ANK2: variants seen among roughly 807,000 people sequenced by gnomAD.
The protein encoded by ANK2 is ankyrin-2.
Under a neutral mutation model 360.5 loss-of-function variants are expected in ANK2, and 83 were observed. The observed-to-expected ratio is 0.23, with a 90% CI of 0.19 to 0.28. ANK2 has a LOEUF of 0.28. ANK2 is among the 10% of genes least tolerant of loss of function. The pLI is 1.00. For synonymous variants in ANK2, 1,740 were observed against 1,759.5 expected, an observed-to-expected ratio of 0.99 and a Z score of 0.28; for missense variants, 4,201 against 4,795.7, an observed-to-expected ratio of 0.88 and a Z score of 3.66.
chr4:112,747,110 CT>C, the ANK2 span, among the ~76,000 whole-genome samples: 1 of 152,158 alleles, frequency 6.6e-6, no homozygotes, highest in African/African-American at 2.4e-5. Flanking sequence ...TGAGGAATTC[CT>C]AACAGCATAA....
At chr4:112,770,355 T>C in the ANK2 span, among the ~76,000 whole-genome samples, 1 of 152,152 alleles carries the variant, frequency 6.6e-6, no homozygotes, top group African/African-American at 2.4e-5. Context: ...CTTCCCTTCA[T>C]TGTTTTGTTT....
chr4:113,029,596 C>T (rs2059978050), intron 2 of ANK2, among the ~76,000 whole-genome samples: 1 of 152,120 alleles, frequency 6.6e-6, no homozygotes, highest in Middle Eastern at 3.4e-3. Context: ...GAAAATGAAC[C>T]TTGAGGCCTC....
At chr4:112,867,122 CA>C (rs761796362) in intron 1 of ANK2, among the ~76,000 whole-genome samples, 91 of 151,822 alleles carry the variant, frequency 6.0e-4, no homozygotes, top group Non-Finnish European at 8.3e-4. Context: ...TGAGGTCTTA[CA>C]TTTTTTTTTC....
At chr4:113,303,647 AT>A (rs1456380060) in intron 23 of ANK2, among the ~76,000 whole-genome samples, 3 of 152,202 alleles carry the variant, frequency 2.0e-5, no homozygotes, top group African/African-American at 7.2e-5. Flanking sequence ...GGATAAAAAA[AT>A]GTGCTACTAA....
rs373261456 is a variant in ANK2 at position 113,330,314 on chromosome 4, G to A, written c.2969G>A (p.Arg990Gln). The part of the protein sequence containing the change: ...AMRGCRHNGL[R>Q]IIIPPRKCTA... ...CGAGGATGCAGACACAATGGGCTCCGAATCATTATTCCACCTCGGAAATGT... is the reference window on the plus strand; with the variant it reads ...CGAGGATGCAGACACAATGGGCTCCAAATCATTATTCCACCTCGGAAATGT... Residue 990 changes from arginine (R) to glutamine (Q), a missense_variant, in exon 27 of 46, where the codon CGA (arginine) becomes CAA (glutamine). Arg to Gln is a conservative substitution (Grantham distance 43, BLOSUM62 1). Around this residue, in one of 4 missense-constraint regions of ANK2, gnomAD observed 1,268 missense variants for 1,650.8 expected, o/e 0.77. Transcript: ENST00000357077. The A allele has an allele frequency of 4.8e-5, 78 of 1,614,068 alleles. No individual in the cohort carries two copies. Among genetic ancestry groups the A allele is most frequent in the Non-Finnish European group, 6.1e-5 (72 of 1,180,044 alleles).
chr4:113,231,715 T>A (rs1341676820), intron 4 of ANK2, among the ~76,000 whole-genome samples: 1 of 151,954 alleles, frequency 6.6e-6, no homozygotes, highest in Non-Finnish European at 1.5e-5. Context: ...GTGATTTTCC[T>A]GCCTCAGCCT....
chr4:112,952,755 GATACTTTT>G (rs1368722218), intron 2 of ANK2, among the ~76,000 whole-genome samples: 1 of 152,082 alleles, frequency 6.6e-6, no homozygotes, highest in East Asian at 1.9e-4. Flanking sequence ...ATCTCTTAGA[GATACTTTT>G]ATAAAATAAT....
chr4:113,040,908 TC>T (rs2062787038), intron 2 of ANK2, among the ~76,000 whole-genome samples: 1 of 152,060 alleles, frequency 6.6e-6, no homozygotes, highest in South Asian at 2.1e-4. Flanking sequence ...TGAGAGCCCT[TC>T]CCCATGTGAG....
At chr4:113,246,125 TTTG>T (rs899748756) in intron 9 of ANK2, among the ~76,000 whole-genome samples, 10 of 152,178 alleles carry the variant, frequency 6.6e-5, no homozygotes, top group East Asian at 3.9e-4. Flanking sequence ...ATGTTTTCAT[TTTG>T]TTGTTGTTGT....
rs892057800 is a variant in ANK2 at position 113,277,890 on chromosome 4, A to C, written c.1737A>C (p.Ala579=). ...VAAKYGSLDV[A]KLLLQRRAAA... Reference sequence around the variant, plus strand: ...CCAAGTATGGAAGCCTGGATGTGGCAAAACTTCTCTTGCAACGCCGTGCTG... The same window carrying C: ...CCAAGTATGGAAGCCTGGATGTGGCCAAACTTCTCTTGCAACGCCGTGCTG... Residue 579 remains alanine, a synonymous_variant, in exon 16 of 46, where the codon GCA becomes GCC. Coordinates refer to ENST00000357077, the MANE Select transcript of ANK2 (RefSeq NM_001148.6). The C allele has an allele frequency of 1.1e-5, 17 of 1,614,006 alleles. No homozygotes were observed. The Admixed American group carries it at 1.5e-4, about 14-fold the overall frequency.
chr4:113,133,772 A>T (rs2096221894), intron 1 of ANK2, among the ~76,000 whole-genome samples: 1 of 152,144 alleles, frequency 6.6e-6, no homozygotes, highest in South Asian at 2.1e-4. Flanking sequence ...TGAGGTAGAA[A>T]TGATTATAAC....
rs187496618 is a variant in ANK2, at chr4:112,939,287, T to C, written c.21+34773T>C. ...ACAAATTTTAAAAAGTATCAGGGAA[T>C]AGTTCATTCTTTCTTTCTTTATTTT... On this transcript the variant is annotated intron_variant, in intron 2 of 30. Coordinates refer to the ANK2 transcript ENST00000503271. Among the ~76,000 whole-genome samples the C allele has an allele frequency of 1.7e-3, 266 of 152,290 alleles. 1 individual carries two copies. The highest frequency in any genetic ancestry group is 5.1e-3 in the Admixed American group (78 of 15,272).
At chr4:113,097,876 G>GTATA (rs1562040937) in intron 1 of ANK2, among the ~76,000 whole-genome samples, 1 of 105,926 alleles carries the variant, frequency 9.4e-6, no homozygotes, top group African/African-American at 3.0e-5. Flanking sequence ...GTATATATAT[G>GTATA]CACACACACA....
chr4:112,993,254 G>C (rs893413169), intron 2 of ANK2, among the ~76,000 whole-genome samples: 1 of 152,040 alleles, frequency 6.6e-6, no homozygotes. Context: ...TGCACTCCAG[G>C]CTGGGTGACA....
At chr4:112,781,076 C>T in the ANK2 span, among the ~76,000 whole-genome samples, 343 of 152,030 alleles carry the variant, frequency 2.3e-3, 1 homozygote, top group African/African-American at 7.5e-3. Flanking sequence ...CACAGCTCAC[C>T]GCAGCCTCCA....
intron 1 of ANK2, among the ~76,000 whole-genome samples, chr4:113,054,859 TACTC>T (rs1455183477): frequency 6.6e-6 from 1 of 152,202 alleles, no homozygotes; most frequent in African/African-American, 2.4e-5. Flanking sequence ...TGTTTCTATT[TACTC>T]ACTTTTATGA....
intron 4 of ANK2, among the ~76,000 whole-genome samples, chr4:113,226,661 G>A (rs758683964): frequency 6.6e-6 from 1 of 152,204 alleles, no homozygotes; most frequent in African/African-American, 2.4e-5. Context: ...CTTGAATTTT[G>A]TCTCTGAATC....
intron 10 of ANK2, among the ~76,000 whole-genome samples, chr4:113,251,165 C>T (rs186845062): frequency 6.6e-6 from 1 of 152,048 alleles, no homozygotes; most frequent in Non-Finnish European, 1.5e-5. Context: ...ACAGCCAATA[C>T]AAAAACCAAT....
chr4:112,793,270 A>G, the ANK2 span, among the ~76,000 whole-genome samples: 31 of 152,176 alleles, frequency 2.0e-4, no homozygotes, highest in Admixed American at 2.0e-3. Flanking sequence ...TATGTATGTA[A>G]CAGAATTGCA....
Sources: gnomAD v4.1 joint callset for allele counts (sites outside exome capture counted in the v4.1 genomes callset) on GRCh38, gnomAD v4.1.1 for gene constraint, gnomAD v4.1.1 regional missense constraint, MANE v1.5 for transcripts, NCBI Gene and HGNC (gene_info 2026-07-23, HGNC 2026-07-21) for gene names.